The following REV1 variants were observed in gnomAD, a reference collection of about 807,000 sequenced individuals.
The protein encoded by REV1 is translesion synthesis protein REV1.
In REV1, 42 loss-of-function variants were observed where a neutral mutation model predicts 137.4. The observed-to-expected ratio is 0.31, with a 90% CI of 0.24 to 0.40. REV1 has a LOEUF of 0.40. REV1 is among the 10% of genes least tolerant of loss of function. The pLI, the probability that REV1 is intolerant of heterozygous loss-of-function variation, is 1.00. For missense variants in REV1, 1,282 were observed against 1,490.1 expected, an observed-to-expected ratio of 0.86 and a Z score of 2.30; for synonymous variants, 524 against 519.2, an observed-to-expected ratio of 1.01 and a Z score of -0.12.
At chr2:99,482,160 CTATGTAATAAAAGTCCCA>C (rs916408345) in intron 1 of REV1, among the ~76,000 whole-genome samples, 1 of 152,208 alleles carries the variant, frequency 6.6e-6, no homozygotes, top group Non-Finnish European at 1.5e-5. Flanking sequence ...TCAATCATAC[CTATGTAATAAAAGTCCCA>C]TAAAAACTCC....
intron 3 of REV1, among the ~76,000 whole-genome samples, chr2:99,458,878 AGTGG>A (rs1428125870): frequency 6.6e-6 from 1 of 152,206 alleles, no homozygotes; most frequent in Non-Finnish European, 1.5e-5. Context: ...GGAGAACAGA[AGTGG>A]GTGTGACTAT....
At position 99,459,156 on chromosome 2, in the gene REV1, C is replaced by T. The variant is rs541021622; in HGVS notation, c.181+3340G>A. On this transcript the variant is annotated intron_variant, in intron 3 of 22. Transcript: ENST00000258428. ...CCGGGAGGCAGAGCTTGCAGTGAGC[C>T]GAGATCGCGCCACTGCACTCCAGCC... is the stretch of plus-strand genomic sequence containing the variant. Among the ~76,000 whole-genome samples the T allele has an allele frequency of 4.0e-5, 6 of 151,002 alleles. No individual in the cohort carries two copies. The East Asian group carries it at 1.2e-3, about 30-fold the overall frequency.
chr2:99,411,064 A>C (rs1677070081), intron 13 of REV1, among the ~76,000 whole-genome samples, 197 bp from the exon 14 acceptor site: 1 of 152,130 alleles, frequency 6.6e-6, no homozygotes, highest in Admixed American at 6.5e-5. Context: ...AGGCTGGTGG[A>C]TTCGTCTGAG....
At chr2:99,402,223 A>G in intron 22 of REV1, 21 bp downstream of exon 22, 1 of 1,040,854 alleles carries the variant, frequency 9.6e-7, no homozygotes. Context: ...TTCCCATTTG[A>G]TAAAAGTGAT....
At chr2:99,434,583 A>T in intron 7 of REV1, 135 bp from the exon 8 acceptor site, 1 of 474,642 alleles carries the variant, frequency 2.1e-6, no homozygotes, top group Non-Finnish European at 3.7e-6. Flanking sequence ...TCCTTAAAGA[A>T]GCTAATACTT....
intron 15 of REV1, chr2:99,406,736 T>A (rs1000830790): frequency 3.3e-6 from 1 of 307,144 alleles, no homozygotes; most frequent in African/African-American, 2.2e-5. Flanking sequence ...TACCAAAAGA[T>A]CTTTAAAATC....
intron 15 of REV1, chr2:99,406,736 TCTTTAAAATCAGAA>T (rs985725930): frequency 2.3e-5 from 7 of 307,144 alleles, no homozygotes; most frequent in Non-Finnish European, 4.1e-5. Context: ...TACCAAAAGA[TCTTTAAAATCAGAA>T]AATCCAAACA....
intron 13 of REV1, among the ~76,000 whole-genome samples, 179 bp from the exon 14 acceptor site, chr2:99,411,046 AGAGGCC>A (rs1439303764): frequency 2.6e-5 from 4 of 152,108 alleles, no homozygotes; most frequent in Admixed American, 2.6e-4. Context: ...CAGCACTTTG[AGAGGCC>A]GAGGCTGGTG....
Position 99,410,792 on chromosome 2 carries a change from C to A in REV1, c.2248G>T (p.Gly750Cys). Residue 750 changes from glycine to cysteine, a missense_variant, in exon 14 of 23, where the codon GGT becomes TGT. Transcript: ENST00000258428. ...ATGATTTTGAGAGTTAGACGTTTAC[C>A]CTTCATGCCAGTGGCTTCTAGTCTT... ...QRRLEATGMK[G>C]KRLTLKIMVR... 1 of 1,611,960 alleles carries A rather than the reference C, an allele frequency of 6.2e-7. No individual in the cohort carries two copies. Among genetic ancestry groups the A allele is most frequent in the Non-Finnish European group, 8.5e-7 (1 of 1,179,374 alleles).
chr2:99,411,628 C>CG (rs1677165810), intron 13 of REV1, among the ~76,000 whole-genome samples: 1 of 151,646 alleles, frequency 6.6e-6, no homozygotes, highest in South Asian at 2.1e-4. Flanking sequence ...AGGCTGGTCT[C>CG]CAACTCCTGA....
rs538884333 is a variant in REV1, at chr2:99,424,353, A to G, written c.1548-73T>C. On this transcript the variant is annotated intron_variant, in intron 9 of 22. Coordinates refer to ENST00000258428, the MANE Select transcript of REV1 (RefSeq NM_016316.4). ...ACTCAAATATTTATCAAATATGTTG[A>G]TATCTCCCCATGCCACTAATTTATA... 15 of 1,416,380 alleles carry G rather than the reference A, an allele frequency of 1.1e-5. No individual in the cohort carries two copies. In the African/African-American group the frequency reaches 1.6e-4, roughly 15 times the overall value. The allele number at this position is 1,416,380 out of a possible 1,614,324, so 87.7% of individuals were successfully genotyped here.
intron 1 of REV1, among the ~76,000 whole-genome samples, chr2:99,480,437 C>A (rs1686493933): frequency 6.6e-6 from 1 of 152,158 alleles, no homozygotes; most frequent in Non-Finnish European, 1.5e-5. Flanking sequence ...TAACAGAAGG[C>A]CTTGAATATA....
intron 3 of REV1, among the ~76,000 whole-genome samples, chr2:99,454,591 A>AAAAAG (rs70940173): frequency 8.0e-6 from 1 of 125,156 alleles, no homozygotes; most frequent in Non-Finnish European, 1.7e-5. Flanking sequence ...AAAAAAAAAA[A>AAAAAG]CCCAAAAATT....
chr2:99,479,957 G>A (rs912049134), intron 1 of REV1, among the ~76,000 whole-genome samples: 4 of 152,080 alleles, frequency 2.6e-5, no homozygotes, highest in African/African-American at 4.8e-5. Flanking sequence ...ATAGAAGGTA[G>A]GATAGAAGGT....
intron 4 of REV1, among the ~76,000 whole-genome samples, chr2:99,448,034 T>C (rs536769278): frequency 5.9e-5 from 9 of 152,218 alleles, no homozygotes; most frequent in Non-Finnish European, 1.0e-4. Flanking sequence ...GTTATATGGA[T>C]ACTGAACTGC....
rs1385145821 is a variant in REV1 at position 99,400,560 on chromosome 2, G to A, written c.*681C>T. 1.3e-5 allele frequency: 2 copies of A among 151,962 alleles called. No individual in the cohort carries two copies. Among genetic ancestry groups the A allele is most frequent in the Non-Finnish European group, 2.9e-5 (2 of 68,008 alleles). 9.4% of individuals were successfully genotyped at this position (151,962 alleles called of 1,614,324 possible). Reference sequence around the variant, plus strand: ...TATATACGTTTGAAAAATCTATACCGTTCTTTTTTATCATCAAAGTTTCTC... The same window carrying A: ...TATATACGTTTGAAAAATCTATACCATTCTTTTTTATCATCAAAGTTTCTC... On this transcript the variant is annotated 3_prime_UTR_variant, in exon 23 of 23. Coordinates refer to ENST00000258428, the MANE Select transcript of REV1 (RefSeq NM_016316.4).
At chr2:99,438,465 C>T in intron 6 of REV1, 136 bp downstream of exon 6, 1 of 633,886 alleles carries the variant, frequency 1.6e-6, no homozygotes, top group East Asian at 2.7e-5. Context: ...GTTATGCTTA[C>T]TGTAACTTAC....
intron 8 of REV1, 29 bp from the exon 9 acceptor site, chr2:99,429,977 A>G (rs765955818): frequency 3.2e-5 from 44 of 1,365,070 alleles, no homozygotes; most frequent in Non-Finnish European, 4.1e-5. Context: ...ATTAATGGTT[A>G]TATGTTATAA....
At chr2:99,427,108 G>A (rs1679488463) in intron 9 of REV1, among the ~76,000 whole-genome samples, 1 of 152,110 alleles carries the variant, frequency 6.6e-6, no homozygotes, top group Non-Finnish European at 1.5e-5. Flanking sequence ...CTTCAACCTG[G>A]GAGGCAGGGG....
Sources: allele counts gnomAD v4.1 joint callset (sites outside exome capture counted in the v4.1 genomes callset), GRCh38; gene constraint gnomAD v4.1.1; transcripts MANE v1.5; gene names NCBI Gene and HGNC (gene_info 2026-07-23, HGNC 2026-07-21).